The following SCIMP variants were observed in gnomAD, a reference collection of about 807,000 sequenced individuals.
SCIMP encodes SLP adapter and CSK-interacting membrane protein.
In SCIMP, 18 loss-of-function variants were observed where a neutral mutation model predicts 22.0. The observed-to-expected ratio is 0.82, with a 90% CI of 0.56 to 1.21. The LOEUF (loss-of-function observed/expected upper bound fraction) is 1.21. Ranked by LOEUF, SCIMP falls within the 50% of genes most tolerant of loss-of-function variation. The probability of loss-of-function intolerance (pLI) is 0.00; values close to 1 mark genes in which losing one functional copy is unlikely to be tolerated. For missense variants in SCIMP, 155 were observed against 171.2 expected, an observed-to-expected ratio of 0.91 and a Z score of 0.53; for synonymous variants, 53 against 62.2, an observed-to-expected ratio of 0.85 and a Z score of 0.70.
chr17:5,234,673 G>C (rs368617193), intron 1 of SCIMP, 62 bp downstream of exon 1: 42 of 1,569,158 alleles, frequency 2.7e-5, no homozygotes, highest in African/African-American at 2.2e-4. Context: ...TGATGCCAGC[G>C]CTGGCAGATG....
intron 3 of SCIMP, among the ~76,000 whole-genome samples, chr17:5,216,597 C>T (rs1231298781): frequency 6.6e-6 from 1 of 151,900 alleles, no homozygotes; most frequent in Non-Finnish European, 1.5e-5. Flanking sequence ...ATCTGGGAGG[C>T]GGAGGTTACA....
chr17:5,214,729 A>G, intron 4 of SCIMP, 196 bp downstream of exon 4: 1 of 508,536 alleles, frequency 2.0e-6, no homozygotes, highest in Non-Finnish European at 3.5e-6. Context: ...AGTCCCAGCT[A>G]CTCCGGAGGC....
intron 1 of SCIMP, among the ~76,000 whole-genome samples, chr17:5,224,644 A>G (rs927385739): frequency 2.0e-5 from 3 of 151,398 alleles, no homozygotes. Context: ...TTTAGTAGAG[A>G]CGGGGTTTCA....
At chr17:5,233,529 T>C (rs577000822) in intron 1 of SCIMP, among the ~76,000 whole-genome samples, 90 of 152,240 alleles carry the variant, frequency 5.9e-4, no homozygotes, top group African/African-American at 2.1e-3. Flanking sequence ...CCCACCACCA[T>C]GCCCAGCTAA....
rs531934694 is a variant in SCIMP, at chr17:5,223,695, A to G, written c.22-239T>C. 2.7e-4 allele frequency: 116 copies of G among 426,012 alleles called. 4 individuals carry two copies. Among genetic ancestry groups the G allele is most frequent in the South Asian group, 2.5e-3 (115 of 46,182 alleles). The allele number at this position is 426,012 out of a possible 1,614,324, so 26.4% of individuals were successfully genotyped here. On this transcript the variant is annotated intron_variant, in intron 1 of 4. Transcript: ENST00000574081. ...CTCCAGAGTAACGGGGACTACAGGC[A>G]CCTGCCACCACGCCTGGCTAATTTT...
intron 1 of SCIMP, among the ~76,000 whole-genome samples, chr17:5,233,653 G>A (rs976676022): frequency 6.6e-6 from 1 of 152,086 alleles, no homozygotes; most frequent in African/African-American, 2.4e-5. Flanking sequence ...TTAGAGGCGT[G>A]AGCCACCATG....
Position 5,210,721 on chromosome 17 carries a change from G to A in SCIMP, c.*80C>T, listed in dbSNP as rs2074520115. 6.5e-7 allele frequency: 1 copy of A among 1,532,918 alleles called. No individual in the cohort carries two copies. Among genetic ancestry groups the A allele is most frequent in the African/African-American group, 1.4e-5 (1 of 72,236 alleles). The allele number at this position is 1,532,918 out of a possible 1,614,324, so 95.0% of individuals were successfully genotyped here. On this transcript the variant is annotated 3_prime_UTR_variant, in exon 5 of 5. Coordinates refer to ENST00000574081, the MANE Select transcript of SCIMP (RefSeq NM_207103.3). ...GGCTTTCAGGGCCCAGAGACCTACT[G>A]AAGTTCAACCATTCTTGATTGTTTT...
intron 1 of SCIMP, among the ~76,000 whole-genome samples, chr17:5,226,450 T>C (rs1269869073): frequency 6.6e-6 from 1 of 152,100 alleles, no homozygotes; most frequent in Non-Finnish European, 1.5e-5. Context: ...GTCAGTTTTG[T>C]TCTTACAAGT....
chr17:5,213,026 TGAGC>T, intron 4 of SCIMP: 2 of 596,494 alleles, frequency 3.4e-6, no homozygotes, highest in Non-Finnish European at 2.1e-6. Context: ...TGGTAACTTC[TGAGC>T]TGACATCTGA....
chr17:5,226,964 G>T (rs1012901500), intron 1 of SCIMP, among the ~76,000 whole-genome samples: 8 of 152,158 alleles, frequency 5.3e-5, no homozygotes, highest in Non-Finnish European at 1.2e-4. Flanking sequence ...AGGAAGCCCT[G>T]GGGAAGGATG....
intron 4 of SCIMP, among the ~76,000 whole-genome samples, chr17:5,212,544 C>G (rs111842955): frequency 2.6e-5 from 4 of 151,992 alleles, no homozygotes; most frequent in African/African-American, 9.7e-5. Flanking sequence ...TGAGGCAGGA[C>G]AATGGCATGA....
intron 1 of SCIMP, among the ~76,000 whole-genome samples, chr17:5,229,021 T>C (rs2585281): frequency 0.46 from 70,577 of 152,040 alleles, 19,600 homozygotes; most frequent in Non-Finnish European, 0.64. Context: ...CACGCGACCC[T>C]GGGCAGGCTC....
intron 1 of SCIMP, 132 bp downstream of exon 1, chr17:5,234,602 CA>C: frequency 1.1e-6 from 1 of 891,598 alleles, no homozygotes; most frequent in Non-Finnish European, 1.8e-6. Context: ...GCAGTCGTAC[CA>C]GGGCCCCAGG....
At chr17:5,214,860 AAAGAC>A in intron 4 of SCIMP, 60 bp downstream of exon 4, 1 of 792,392 alleles carries the variant, frequency 1.3e-6, no homozygotes, top group East Asian at 2.5e-5. Context: ...AAAAAAAAAA[AAAGAC>A]ACCTTGATAA....
intron 1 of SCIMP, 114 bp downstream of exon 1, chr17:5,234,621 C>G (rs941592961): frequency 1.6e-5 from 18 of 1,107,430 alleles, no homozygotes; most frequent in Non-Finnish European, 2.2e-5. Context: ...AGGCTGCAAT[C>G]CCCTGGCCCA....
intron 2 of SCIMP, among the ~76,000 whole-genome samples, chr17:5,222,161 C>T (rs1315973594): frequency 2.0e-5 from 3 of 151,132 alleles, no homozygotes; most frequent in African/African-American, 7.3e-5. Context: ...GCGATCTCGG[C>T]TCACTGCAAG....
At chr17:5,234,386 C>T (rs1567846076) in intron 1 of SCIMP, among the ~76,000 whole-genome samples, 3 of 151,722 alleles carry the variant, frequency 2.0e-5, no homozygotes, top group Non-Finnish European at 2.9e-5. Context: ...ACACCATCGG[C>T]ATCCAGAAAG....
chr17:5,224,523 C>T (rs142216831), intron 1 of SCIMP, among the ~76,000 whole-genome samples: 4,415 of 151,614 alleles, frequency 0.029, 215 homozygotes, highest in African/African-American at 0.1. Context: ...AGTGCAGTGG[C>T]GCGATCTTGG....
chr17:5,234,671 G>C (rs972130108), intron 1 of SCIMP, 64 bp downstream of exon 1: 2 of 1,567,774 alleles, frequency 1.3e-6, no homozygotes, highest in Admixed American at 3.5e-5. Context: ...CCTGATGCCA[G>C]CGCTGGCAGA....
Sources: allele counts gnomAD v4.1 joint callset (sites outside exome capture counted in the v4.1 genomes callset), GRCh38; gene constraint gnomAD v4.1.1; transcripts MANE v1.5; gene names NCBI Gene and HGNC (gene_info 2026-07-23, HGNC 2026-07-21).